PSD3: variants seen among roughly 807,000 people sequenced by gnomAD.
PSD3 encodes pleckstrin and Sec7 domain containing 3, also known as PH and SEC7 domain-containing protein 3.
In PSD3, 49 loss-of-function variants were observed where a neutral mutation model predicts 105.5. The ratio of observed to expected loss-of-function variants is 0.46; its 90% CI spans 0.37 to 0.59. The LOEUF (loss-of-function observed/expected upper bound fraction) is 0.59, where lower values mean the gene tolerates loss of function less well. Ranked by LOEUF, PSD3 falls within the 20% of genes least tolerant of loss-of-function variation. The pLI is 0.00. For synonymous variants in PSD3, 557 were observed against 457.8 expected, an observed-to-expected ratio of 1.22 and a Z score of -2.77; for missense variants, 1,561 against 1,263.8, an observed-to-expected ratio of 1.24 and a Z score of -3.57.
intron 14 of PSD3, among the ~76,000 whole-genome samples, chr8:18,563,967 AAG>A (rs1243381309): frequency 6.6e-6 from 1 of 152,072 alleles, no homozygotes; most frequent in African/African-American, 2.4e-5. Context: ...ACCCACTGCA[AAG>A]AGTTTTAAAA....
intron 1 of PSD3, among the ~76,000 whole-genome samples, chr8:19,032,054 G>A (rs1170265198): frequency 6.6e-6 from 1 of 152,132 alleles, no homozygotes; most frequent in African/African-American, 2.4e-5. Flanking sequence ...GGGATGCTCA[G>A]GCCTCTGAAC....
intron 12 of PSD3, among the ~76,000 whole-genome samples, chr8:18,592,046 G>A (rs536072853): frequency 4.7e-4 from 71 of 152,002 alleles, no homozygotes; most frequent in African/African-American, 1.6e-3. Context: ...AGGAAAACAT[G>A]GTTCAATGGA....
exon 1 of PSD3, chr8:19,084,538 C>A: frequency 2.5e-6 from 1 of 402,640 alleles, no homozygotes; most frequent in Non-Finnish European, 5.1e-6. Context: ...ATGATGGGAG[C>A]TGGGCTAGGA....
At chr8:18,695,267 C>T (rs1331660788) in intron 9 of PSD3, among the ~76,000 whole-genome samples, 2 of 69,082 alleles carry the variant, frequency 2.9e-5, no homozygotes, top group Admixed American at 1.2e-4. Context: ...TAATCTCTCT[C>T]AGAGGAAACT....
chr8:18,765,384 G>A (rs1806892772), intron 9 of PSD3, 65 bp downstream of exon 9: 3 of 1,396,258 alleles, frequency 2.1e-6, no homozygotes, highest in Admixed American at 3.4e-5. Context: ...GCCTACTTAG[G>A]ATTAAGCTGT....
chr8:18,936,329 T>A (rs1822132044), intron 1 of PSD3, among the ~76,000 whole-genome samples, 187 bp from the exon 2 acceptor site: 1 of 152,164 alleles, frequency 6.6e-6, no homozygotes, highest in South Asian at 2.1e-4. Context: ...TATCACTGCA[T>A]GATTATAGCT....
intron 11 of PSD3, among the ~76,000 whole-genome samples, chr8:18,619,458 AACAAGGTCTGACCC>A (rs1805947987): frequency 6.6e-6 from 1 of 152,138 alleles, no homozygotes; most frequent in Non-Finnish European, 1.5e-5. Context: ...CAGCCTGACC[AACAAGGTCTGACCC>A]ACCTCTACTA....
chr8:18,975,638 G>A (rs1180853619), intron 1 of PSD3, among the ~76,000 whole-genome samples: 29 of 152,170 alleles, frequency 1.9e-4, no homozygotes, highest in Non-Finnish European at 4.4e-5. Context: ...AACAGTTCCA[G>A]TATCTTTTGC....
At chr8:18,799,720 G>A (rs1272869440) in intron 7 of PSD3, among the ~76,000 whole-genome samples, 1 of 152,100 alleles carries the variant, frequency 6.6e-6, no homozygotes, top group Non-Finnish European at 1.5e-5. Context: ...CTTACAATGG[G>A]AGACAAGTAA....
At chr8:18,724,037 T>C (rs1446330616) in intron 9 of PSD3, among the ~76,000 whole-genome samples, 4 of 152,282 alleles carry the variant, frequency 2.6e-5, no homozygotes, top group Admixed American at 6.5e-5. Flanking sequence ...TCTACAGTTA[T>C]ACAGAAAATT....
rs377258291 is a variant in PSD3, at chr8:18,655,697, G to C, written c.2173-12C>G. ...GAGTTGTACAGAGCCTGTAAAGAGA[G>C]AAAATGAGATCACATTATTCTTTCC... On this transcript the variant is annotated splice_polypyrimidine_tract_variant and intron_variant, in intron 9 of 15. Transcript: ENST00000327040. The C allele has an allele frequency of 2.5e-6, 4 of 1,610,854 alleles. No homozygotes were observed. Among genetic ancestry groups the C allele is most frequent in the African/African-American group, 1.3e-5 (1 of 74,832 alleles).
intron 4 of PSD3, among the ~76,000 whole-genome samples, chr8:18,863,525 A>G (rs2129455783): frequency 6.6e-6 from 1 of 152,206 alleles, no homozygotes; most frequent in South Asian, 2.1e-4. Flanking sequence ...CATGTGGCTC[A>G]CTCATCAACA....
At chr8:19,063,772 T>G (rs1828982158) in intron 1 of PSD3, among the ~76,000 whole-genome samples, 1 of 152,154 alleles carries the variant, frequency 6.6e-6, no homozygotes, top group Non-Finnish European at 1.5e-5. Context: ...TCCTTAGTCT[T>G]AAAATAAGAG....
intron 11 of PSD3, among the ~76,000 whole-genome samples, chr8:18,613,064 G>A (rs13259187): frequency 0.22 from 33,356 of 151,960 alleles, 3,908 homozygotes; most frequent in Middle Eastern, 0.38. Context: ...CCGGAAACGT[G>A]TGTGGGAAGC....
intron 9 of PSD3, among the ~76,000 whole-genome samples, chr8:18,682,427 G>A (rs1800440340): frequency 6.6e-6 from 1 of 152,172 alleles, no homozygotes; most frequent in Admixed American, 6.5e-5. Context: ...ATTTCAGCAG[G>A]AGACCGCAGT....
At chr8:18,643,592 T>C (rs577116230) in intron 10 of PSD3, among the ~76,000 whole-genome samples, 1 of 151,972 alleles carries the variant, frequency 6.6e-6, no homozygotes, top group Non-Finnish European at 1.5e-5. Flanking sequence ...AAGGGAGAAA[T>C]AGGCAAGAAA....
intron 2 of PSD3, among the ~76,000 whole-genome samples, chr8:18,932,952 G>A (rs571521913): frequency 2.0e-5 from 3 of 152,210 alleles, no homozygotes; most frequent in South Asian, 2.1e-4. Context: ...CAAACTAAAT[G>A]TGATCATTCT....
intron 1 of PSD3, among the ~76,000 whole-genome samples, chr8:19,064,475 C>A (rs559080078): frequency 1.9e-4 from 29 of 152,102 alleles, no homozygotes; most frequent in African/African-American, 6.7e-4. Flanking sequence ...AAATGAGGGT[C>A]ACTGGGGTAG....
intron 4 of PSD3, among the ~76,000 whole-genome samples, chr8:18,848,515 C>A (rs1260553977): frequency 6.6e-6 from 1 of 152,108 alleles, no homozygotes; most frequent in Admixed American, 6.5e-5. Flanking sequence ...GGCAGCCAAG[C>A]CAGGCATGCA....
Sources: gnomAD v4.1 joint callset for allele counts (sites outside exome capture counted in the v4.1 genomes callset) on GRCh38, gnomAD v4.1.1 for gene constraint, MANE v1.5 for transcripts, NCBI Gene and HGNC (gene_info 2026-07-23, HGNC 2026-07-21) for gene names.